Variants in WWOX observed in about 807,000 individuals in gnomAD.
WWOX encodes WW domain containing oxidoreductase, also known as WW domain-containing oxidoreductase.
WWOX carries 69 observed loss-of-function variants against 46.2 expected under a neutral mutation model. The observed-to-expected ratio is 1.49, with a 90% CI of 1.23 to 1.82. The LOEUF (loss-of-function observed/expected upper bound fraction) is 1.82, where lower values mean the gene tolerates loss of function less well. Among genes scored for constraint, WWOX ranks in the 40% most tolerant of loss-of-function variants. The probability of loss-of-function intolerance (pLI) is 0.00; values close to 1 mark genes in which losing one functional copy is unlikely to be tolerated. For synonymous variants in WWOX, 359 were observed against 202.6 expected (o/e 1.77, Z -6.56); for missense variants, 919 against 542.6 (o/e 1.69, Z -6.89).
At chr16:78,461,340 G>T (rs1327917608) in intron 8 of WWOX, among the ~76,000 whole-genome samples, 1 of 151,918 alleles carries the variant, frequency 6.6e-6, no homozygotes, top group African/African-American at 2.4e-5. Context: ...GGAACTCATC[G>T]GTAAGGCCAG....
intron 8 of WWOX, among the ~76,000 whole-genome samples, chr16:78,790,661 A>G (rs185903260): frequency 4.6e-5 from 7 of 152,286 alleles, no homozygotes; most frequent in African/African-American, 1.7e-4. Context: ...GACATGAAAC[A>G]CAAGTACAAA....
At chr16:79,147,226 C>T (rs1211640574) in intron 8 of WWOX, among the ~76,000 whole-genome samples, 1 of 152,190 alleles carries the variant, frequency 6.6e-6, no homozygotes, top group Admixed American at 6.5e-5. Context: ...CTTGCGTTGC[C>T]TTGCAAACCA....
chr16:79,042,784 C>T (rs1036726252), intron 8 of WWOX, among the ~76,000 whole-genome samples: 3 of 147,602 alleles, frequency 2.0e-5, no homozygotes, highest in African/African-American at 5.1e-5. Context: ...CTCAAATGCA[C>T]ATTTGTCTAA....
intron 8 of WWOX, chr16:78,890,307 C>G (rs886938598): frequency 2.9e-5 from 4 of 137,142 alleles, no homozygotes; most frequent in Non-Finnish European, 5.9e-5. Context: ...TATTTGACCT[C>G]TTGCCTCTCC....
rs980083974 is a variant in WWOX, at chr16:78,933,488, A to C, written c.1057-278120A>C. Among the ~76,000 whole-genome samples, 7 of 152,236 alleles carry C rather than the reference A, an allele frequency of 4.6e-5. No individual in the cohort carries two copies. In the East Asian group the frequency reaches 1.2e-3, roughly 25 times the overall value. Reference sequence around the variant, plus strand: ...CAAGATGTTGACATAACAGTTCTGAAGACCAAGGTGGTGGAATAGGTTAGG... The same window carrying C: ...CAAGATGTTGACATAACAGTTCTGACGACCAAGGTGGTGGAATAGGTTAGG... On this transcript the variant is annotated intron_variant, in intron 8 of 8. Transcript: ENST00000566780.
chr16:78,480,605 A>T (rs1267707093), intron 8 of WWOX, among the ~76,000 whole-genome samples: 1 of 152,246 alleles, frequency 6.6e-6, no homozygotes, highest in African/African-American at 2.4e-5. Context: ...TTTTCAATGT[A>T]AGCATATTGG....
chr16:78,501,354 A>G (rs550650614), intron 8 of WWOX, among the ~76,000 whole-genome samples: 1 of 152,008 alleles, frequency 6.6e-6, no homozygotes, highest in Admixed American at 6.6e-5. Context: ...TCAAGAGCTT[A>G]AGATGACCTC....
intron 8 of WWOX, among the ~76,000 whole-genome samples, chr16:78,472,635 C>T (rs770216640): frequency 6.6e-5 from 10 of 151,740 alleles, no homozygotes; most frequent in Non-Finnish European, 1.3e-4. Flanking sequence ...ATGTTGAAAC[C>T]GTTTCTCTAC....
At chr16:78,350,899 A>G (rs554181112) in intron 5 of WWOX, among the ~76,000 whole-genome samples, 1 of 75,580 alleles carries the variant, frequency 1.3e-5, no homozygotes, top group East Asian at 2.0e-4. Flanking sequence ...AGCCACACCC[A>G]TCTACATTCT....
intron 8 of WWOX, among the ~76,000 whole-genome samples, chr16:78,633,480 G>A (rs2046489770): frequency 6.6e-6 from 1 of 152,156 alleles, no homozygotes; most frequent in African/African-American, 2.4e-5. Context: ...AGAACCACGA[G>A]TTCAGAACTT....
chr16:78,757,406 A>G lies in WWOX; in HGVS notation c.1056+324654A>G, dbSNP rs1405853686. ...GCGCTTTTGCAAAGGTACATAGGAC[A>G]CTGTCTGTTGCTTCTGTACCTCTTG... On this transcript the variant is annotated intron_variant, in intron 8 of 8. Coordinates refer to ENST00000566780, the MANE Select transcript of WWOX (RefSeq NM_016373.4). Among the ~76,000 whole-genome samples the G allele has an allele frequency of 2.0e-5, 3 of 152,282 alleles. No homozygotes were observed. In the South Asian group the frequency reaches 6.2e-4, roughly 32 times the overall value.
intron 8 of WWOX, among the ~76,000 whole-genome samples, chr16:78,703,631 T>G (rs969400916): frequency 1.3e-5 from 2 of 151,974 alleles, no homozygotes; most frequent in Non-Finnish European, 2.9e-5. Context: ...TTTTGTTTTT[T>G]TTTGTTTGTT....
chr16:78,596,317 T>A (rs546214766), intron 8 of WWOX, among the ~76,000 whole-genome samples: 1 of 152,208 alleles, frequency 6.6e-6, no homozygotes, highest in Admixed American at 6.5e-5. Context: ...CTGCTAGGCC[T>A]GGGTCTACAG....
chr16:78,426,692 T>C (rs986295989), intron 7 of WWOX, among the ~76,000 whole-genome samples: 2 of 152,030 alleles, frequency 1.3e-5, no homozygotes, highest in Non-Finnish European at 2.9e-5. Context: ...TGACATGGAG[T>C]CTTGATCTGT....
At chr16:78,955,977 C>CA (rs1567436186) in intron 8 of WWOX, among the ~76,000 whole-genome samples, 4 of 145,526 alleles carry the variant, frequency 2.7e-5, no homozygotes, top group Non-Finnish European at 6.1e-5. Context: ...TAGAAAAAAA[C>CA]AAAAAACAAA....
At chr16:78,143,007 C>T (rs941650162) in intron 4 of WWOX, among the ~76,000 whole-genome samples, 1 of 152,140 alleles carries the variant, frequency 6.6e-6, no homozygotes, top group African/African-American at 2.4e-5. Context: ...AATCCAAAAA[C>T]AACACATTTG....
intron 8 of WWOX, among the ~76,000 whole-genome samples, chr16:79,028,039 C>A (rs752185242): frequency 6.6e-6 from 1 of 151,804 alleles, no homozygotes; most frequent in East Asian, 1.9e-4. Context: ...GCCAGCTCTG[C>A]CTCCTGGGTT....
intron 8 of WWOX, among the ~76,000 whole-genome samples, chr16:79,153,790 T>C (rs2050328315): frequency 6.6e-6 from 1 of 152,136 alleles, no homozygotes; most frequent in African/African-American, 2.4e-5. Context: ...TAGCTGTTTA[T>C]GGGTAGGAGA....
chr16:79,013,898 T>C (rs560220094), intron 8 of WWOX, among the ~76,000 whole-genome samples: 1 of 152,308 alleles, frequency 6.6e-6, no homozygotes, highest in East Asian at 1.9e-4. Flanking sequence ...TTTCATTTGG[T>C]TTCCGGGTCC....
Sources: gnomAD v4.1 joint callset for allele counts (sites outside exome capture counted in the v4.1 genomes callset) on GRCh38, gnomAD v4.1.1 for gene constraint, MANE v1.5 for transcripts, NCBI Gene and HGNC (gene_info 2026-07-23, HGNC 2026-07-21) for gene names.